The following STK31 variants were observed in gnomAD, a reference collection of about 807,000 sequenced individuals.
STK31 encodes the protein serine/threonine-protein kinase 31.
STK31 carries 89 observed loss-of-function variants against 129.7 expected under a neutral mutation model. The ratio of observed to expected loss-of-function variants is 0.69; its 90% CI spans 0.58 to 0.82. The LOEUF (loss-of-function observed/expected upper bound fraction) is 0.82. STK31 is among the 40% of genes least tolerant of loss of function. The pLI is 0.00. For missense variants in STK31, 1,187 were observed against 1,176.4 expected, an observed-to-expected ratio of 1.01 and a Z score of -0.13; for synonymous variants, 448 against 395.3, an observed-to-expected ratio of 1.13 and a Z score of -1.58.
intron 11 of STK31, among the ~76,000 whole-genome samples, chr7:23,763,889 A>G (rs996469088): frequency 1.3e-5 from 2 of 152,106 alleles, no homozygotes; most frequent in Admixed American, 6.6e-5. Flanking sequence ...CCTTTTATGT[A>G]TCTTTGAATT....
chr7:23,737,109 C>G (rs901340238), intron 8 of STK31, 31 bp downstream of exon 8: 1 of 1,535,964 alleles, frequency 6.5e-7, no homozygotes, highest in Non-Finnish European at 8.7e-7. Context: ...TGAAGAGTGT[C>G]CAACTGGGAA....
At chr7:23,752,870 C>A in intron 9 of STK31, 38 bp downstream of exon 9, 1 of 1,374,398 alleles carries the variant, frequency 7.3e-7, no homozygotes, top group Non-Finnish European at 1.0e-6. Flanking sequence ...ATATTTTAAA[C>A]TAATTTTTAA....
At chr7:23,825,033 C>T (rs1349307704) in intron 23 of STK31, among the ~76,000 whole-genome samples, 1 of 152,090 alleles carries the variant, frequency 6.6e-6, no homozygotes, top group African/African-American at 2.4e-5. Flanking sequence ...CATCAATGTT[C>T]ATCAAGAATA....
At chr7:23,734,352 A>G (rs1474477859) in intron 6 of STK31, among the ~76,000 whole-genome samples, 1 of 152,202 alleles carries the variant, frequency 6.6e-6, no homozygotes, top group African/African-American at 2.4e-5. Context: ...TGCTTTATAT[A>G]TTCCGAAAAA....
chr7:23,742,397 T>C (rs1346162641), intron 8 of STK31, among the ~76,000 whole-genome samples: 1 of 152,210 alleles, frequency 6.6e-6, no homozygotes, highest in Non-Finnish European at 1.5e-5. Flanking sequence ...GCTGCAGCCA[T>C]GTCTATAGGT....
chr7:23,710,462 C>A, intron 1 of STK31, 127 bp downstream of exon 1: 1 of 1,555,924 alleles, frequency 6.4e-7, no homozygotes. Flanking sequence ...ACCTTCTAGC[C>A]GCCCGCCACC....
intron 22 of STK31, among the ~76,000 whole-genome samples, chr7:23,814,210 A>G (rs989221025): frequency 1.8e-5 from 2 of 113,816 alleles, no homozygotes; most frequent in African/African-American, 7.4e-5. Context: ...TTGTTCCTCT[A>G]GTCCTGGGGT....
At chr7:23,815,938 A>G (rs936900852) in intron 23 of STK31, among the ~76,000 whole-genome samples, 1 of 152,198 alleles carries the variant, frequency 6.6e-6, no homozygotes, top group African/African-American at 2.4e-5. Context: ...GAGTATAATG[A>G]TCAGACTCTG....
intron 4 of STK31, among the ~76,000 whole-genome samples, chr7:23,718,929 C>T (rs1562544902): frequency 6.6e-6 from 1 of 152,028 alleles, no homozygotes. Flanking sequence ...AACAGCTTTG[C>T]AAAAGTGTTG....
intron 1 of STK31, 169 bp downstream of exon 1, chr7:23,710,504 G>A: frequency 6.7e-7 from 1 of 1,485,414 alleles, no homozygotes; most frequent in South Asian, 1.3e-5. Context: ...CAGTTTTTGA[G>A]TGCATGCAGG....
In STK31 at chr7:23,727,398, A is replaced by G. The variant is rs553402193; in HGVS notation, c.324+83A>G. ...AAATTTGATGCTTATTTAGCCCTTC[A>G]TTGCTTATTCGTAGTACTGATACCT... On this transcript the variant is annotated intron_variant, in intron 5 of 23. Coordinates refer to ENST00000355870, the MANE Select transcript of STK31 (RefSeq NM_031414.5). 12 of 1,200,428 alleles carry G rather than the reference A, an allele frequency of 1.0e-5. No homozygotes were observed. In the African/African-American group the frequency reaches 1.7e-4, roughly 17 times the overall value. 74.4% of individuals were successfully genotyped at this position (1,200,428 alleles called of 1,614,324 possible).
intron 8 of STK31, among the ~76,000 whole-genome samples, chr7:23,738,180 C>T (rs374129678): frequency 3.9e-5 from 6 of 152,206 alleles, no homozygotes; most frequent in East Asian, 3.9e-4. Flanking sequence ...ACAGAACTCA[C>T]GGAAGTGCTA....
At position 23,772,220 on chromosome 7, in the gene STK31, T is replaced by C. The variant is rs1790244341; in HGVS notation, c.1907T>C (p.Leu636Ser). The part of the protein sequence containing the change: ...VDHLLSIKKT[L>S]KSLKALLRWK... ...CACTTGCTATCCATTAAGAAGACAT[T>C]GAAAAGCTTAAAAGCTCTACTCAGA... Residue 636 changes from leucine to serine, a missense_variant, in exon 15 of 24, where the codon TTG becomes TCG. Coordinates refer to ENST00000355870, the MANE Select transcript of STK31 (RefSeq NM_031414.5). 1 of 1,608,648 alleles carries C rather than the reference T, an allele frequency of 6.2e-7. No individual in the cohort carries two copies. Among genetic ancestry groups the C allele is most frequent in the African/African-American group, 1.3e-5 (1 of 74,584 alleles).
In STK31 at chr7:23,717,500, A is replaced by G; in HGVS notation, c.170A>G (p.Asp57Gly). Residue 57 changes from aspartate (D) to glycine (G), a missense_variant, in exon 4 of 24, where the codon GAT (aspartate) becomes GGT (glycine). Asp to Gly is a moderately conservative substitution (Grantham distance 94). This residue lies in a region of STK31 where 104 missense variants were observed against 98.3 expected (regional missense o/e 1.06). Coordinates refer to ENST00000355870, the MANE Select transcript of STK31 (RefSeq NM_031414.5). Reference sequence around the variant, plus strand: ...TTCTAGAGTATCAATAGAAATAAGGATATCATGAAGATTGGTTGCTCACTG... The same window carrying G: ...TTCTAGAGTATCAATAGAAATAAGGGTATCATGAAGATTGGTTGCTCACTG... ...FWAQSINRNK[D>G]IMKIGCSLSE... 2 of 1,611,442 alleles carry G rather than the reference A, an allele frequency of 1.2e-6. No homozygotes were observed. Among genetic ancestry groups the G allele is most frequent in the Non-Finnish European group, 8.5e-7 (1 of 1,178,060 alleles).
At chr7:23,770,661 C>A (rs1271040728) in intron 13 of STK31, among the ~76,000 whole-genome samples, 1 of 152,060 alleles carries the variant, frequency 6.6e-6, no homozygotes, top group Non-Finnish European at 1.5e-5. Context: ...GTCGCCCAGG[C>A]TGGAGTGCAT....
intron 5 of STK31, chr7:23,727,602 G>A (rs1274135379): frequency 1.9e-5 from 5 of 264,306 alleles, no homozygotes; most frequent in Admixed American, 8.5e-5. Flanking sequence ...TTTCTGTGTC[G>A]CCCAGGCTGG....
At chr7:23,710,634 C>A (rs2128057092) in intron 1 of STK31, 1 of 1,230,454 alleles carries the variant, frequency 8.1e-7, no homozygotes, top group African/African-American at 1.5e-5. Context: ...TTTCAAAATC[C>A]CTTATAAAAT....
At position 23,722,579 on chromosome 7, in the gene STK31, G is replaced by A. The variant is rs185519411; in HGVS notation, c.250-4662G>A. Reference sequence around the variant, plus strand: ...AGTCTGTCTGTTCTCAGATCTCAAAGTCTATGCTGGGAGAACCACTACTCT... The same window carrying A: ...AGTCTGTCTGTTCTCAGATCTCAAAATCTATGCTGGGAGAACCACTACTCT... On this transcript the variant is annotated intron_variant, in intron 4 of 23. Transcript: ENST00000355870. 2.0e-3 allele frequency: 305 copies of A among 152,484 alleles called. 1 individual carries two copies. Among genetic ancestry groups the A allele is most frequent in the Non-Finnish European group, 3.6e-3 (247 of 68,186 alleles). 9.4% of individuals were successfully genotyped at this position (152,484 alleles called of 1,614,324 possible). A position where few individuals can be genotyped will look rare whatever the true frequency, so the allele number is the denominator to read the frequency against.
At chr7:23,722,430 C>G (rs539189381) in intron 4 of STK31, 1 of 153,744 alleles carries the variant, frequency 6.5e-6, no homozygotes, top group South Asian at 2.1e-4. Context: ...ATGTTGCTGC[C>G]TGATCGTTCT....
Sources: allele counts gnomAD v4.1 joint callset (sites outside exome capture counted in the v4.1 genomes callset), GRCh38; gene constraint gnomAD v4.1.1; regional missense constraint gnomAD v4.1.1; transcripts MANE v1.5; gene names NCBI Gene and HGNC (gene_info 2026-07-23, HGNC 2026-07-21).